RAPGEF1: variants seen among roughly 807,000 people sequenced by gnomAD.
The protein encoded by RAPGEF1 is CRK SH3-binding GNRP.
RAPGEF1 carries 33 observed loss-of-function variants against 143.3 expected under a neutral mutation model. The observed-to-expected ratio is 0.23, with a 90% CI of 0.17 to 0.31. The LOEUF is 0.31. Among genes scored for constraint, RAPGEF1 ranks in the 10% least tolerant of loss-of-function variants. The pLI is 1.00. For missense variants in RAPGEF1, 1,199 were observed against 1,645.4 expected (o/e 0.73, Z 4.69); for synonymous variants, 629 against 676.5 (o/e 0.93, Z 1.09).
At chr9:131,735,871 TC>T (rs1837380485) in intron 1 of RAPGEF1, among the ~76,000 whole-genome samples, 1 of 152,132 alleles carries the variant, frequency 6.6e-6, no homozygotes, top group South Asian at 2.1e-4. Flanking sequence ...TTGAGTGACT[TC>T]CTGATTTTTC....
At chr9:131,707,431 G>GT (rs1284828872) in intron 1 of RAPGEF1, among the ~76,000 whole-genome samples, 2 of 151,992 alleles carry the variant, frequency 1.3e-5, no homozygotes, top group Non-Finnish European at 2.9e-5. Context: ...TGCTGAACCT[G>GT]TTTTTTTATT....
At chr9:131,686,763 C>A (rs920680972) in intron 1 of RAPGEF1, among the ~76,000 whole-genome samples, 7 of 152,308 alleles carry the variant, frequency 4.6e-5, no homozygotes, top group African/African-American at 1.7e-4. Context: ...TTGCTCAGTG[C>A]CCAGCACAGT....
Position 131,637,018 on chromosome 9 carries a change from G to A in RAPGEF1, c.651+1617C>T, listed in dbSNP as rs181295389. Among the ~76,000 whole-genome samples the A allele has an allele frequency of 9.3e-3, 1,414 of 152,228 alleles. 12 individuals are homozygous for A. The highest frequency in any genetic ancestry group is 0.013 in the South Asian group (62 of 4,822). ...AGGCGGGCAGATCACCTGAGGTCAGGAGTTCGAGACCAGCCTGGCCAACAT... is the reference window on the plus strand; with the variant it reads ...AGGCGGGCAGATCACCTGAGGTCAGAAGTTCGAGACCAGCCTGGCCAACAT... On this transcript the variant is annotated intron_variant, in intron 5 of 26. Transcript: ENST00000683357.
intron 1 of RAPGEF1, among the ~76,000 whole-genome samples, chr9:131,658,307 TTCCCACATGGCCATG>T (rs1181256629): frequency 6.6e-6 from 1 of 151,380 alleles, no homozygotes; most frequent in African/African-American, 2.5e-5. Flanking sequence ...CATGCAAACT[TTCCCACATGGCCATG>T]TCTAAGAAAG....
chr9:131,624,970 C>G (rs1327970090), intron 10 of RAPGEF1, among the ~76,000 whole-genome samples: 1 of 152,242 alleles, frequency 6.6e-6, no homozygotes, highest in Non-Finnish European at 1.5e-5. Context: ...TCAGGGCGAC[C>G]CTTGCTGGAC....
At chr9:131,724,369 G>A (rs1374985570) in intron 1 of RAPGEF1, among the ~76,000 whole-genome samples, 1 of 152,230 alleles carries the variant, frequency 6.6e-6, no homozygotes, top group African/African-American at 2.4e-5. Context: ...GCCGAGGCAG[G>A]TGGATCACGA....
chr9:131,641,792 C>T lies in RAPGEF1; in HGVS notation c.494+1447G>A, dbSNP rs368619945. Among the ~76,000 whole-genome samples the T allele has an allele frequency of 1.3e-5, 2 of 152,248 alleles. No homozygotes were observed. Among genetic ancestry groups the T allele is most frequent in the Admixed American group, 6.5e-5 (1 of 15,282 alleles). Reference sequence around the variant, plus strand: ...AGACAAGCATGCCCTGCCTCCTTCCCGTCACCAACCAGCGCCAGCGAGCTT... The same window carrying T: ...AGACAAGCATGCCCTGCCTCCTTCCTGTCACCAACCAGCGCCAGCGAGCTT... On this transcript the variant is annotated intron_variant, in intron 4 of 26. Coordinates refer to ENST00000683357, the MANE Select transcript of RAPGEF1 (RefSeq NM_001377935.1). This position sits in a 1 kb window ranked among gnomAD's most constrained non-coding sequence, Gnocchi z 4.6.
rs748106465 is a variant in RAPGEF1 at position 131,638,749 on chromosome 9, G to T, written c.537C>A (p.Leu179=). 6.2e-7 allele frequency: 1 copy of T among 1,613,958 alleles called. No individual in the cohort carries two copies. Among genetic ancestry groups the T allele is most frequent in the South Asian group, 1.1e-5 (1 of 91,082 alleles). The part of the protein sequence containing the change: ...SSCYSRVYQS[L]ANLIRWSDQV... ...GGTCAGACCAGCGAATGAGGTTGGC[G>T]AGGCTTTGGTACACTCGGCTATAGC... Residue 179 remains leucine, a synonymous_variant, in exon 5 of 27, where the codon CTC becomes CTA. Transcript: ENST00000683357.
Position 131,584,245 on chromosome 9 carries a change from G to C in RAPGEF1, c.3414+66C>G. 7.0e-7 allele frequency: 1 copy of C among 1,420,478 alleles called. No individual in the cohort carries two copies. Among genetic ancestry groups the C allele is most frequent in the South Asian group, 1.2e-5 (1 of 81,962 alleles). 88.0% of individuals were successfully genotyped at this position (1,420,478 alleles called of 1,614,324 possible). ...GTGGGAGCACTTTCTGCCACAGCTA[G>C]TCGCCTGAGGGCTGGGCGGCCCCCC... On this transcript the variant is annotated intron_variant, in intron 24 of 26. Coordinates refer to ENST00000683357, the MANE Select transcript of RAPGEF1 (RefSeq NM_001377935.1). The surrounding 1 kb of genome is among the most constrained non-coding windows in gnomAD (Gnocchi z 6.8).
At chr9:131,731,913 C>G (rs1036819258) in intron 1 of RAPGEF1, among the ~76,000 whole-genome samples, 2 of 152,212 alleles carry the variant, frequency 1.3e-5, no homozygotes, top group Non-Finnish European at 2.9e-5. Flanking sequence ...GCAGTCCAGA[C>G]TGCAGGGTGG....
chr9:131,616,874 C>T (rs769489784), intron 12 of RAPGEF1, among the ~76,000 whole-genome samples: 29 of 152,272 alleles, frequency 1.9e-4, no homozygotes, highest in African/African-American at 6.3e-4. Flanking sequence ...TCTGAGGTTC[C>T]GGCATACTGG....
At chr9:131,605,910 CA>C (rs1365875285) in intron 12 of RAPGEF1, among the ~76,000 whole-genome samples, 5 of 151,902 alleles carry the variant, frequency 3.3e-5, no homozygotes, top group Admixed American at 3.3e-4. Flanking sequence ...CCCATCTCTA[CA>C]AAAAATACAA....
At chr9:131,616,943 T>C (rs1247889938) in intron 12 of RAPGEF1, among the ~76,000 whole-genome samples, 1 of 152,212 alleles carries the variant, frequency 6.6e-6, no homozygotes, top group Non-Finnish European at 1.5e-5. Context: ...CTCCTTTTAA[T>C]GACATAAGGA....
intron 14 of RAPGEF1, among the ~76,000 whole-genome samples, chr9:131,602,421 G>A (rs763918569): frequency 1.1e-4 from 16 of 152,204 alleles, no homozygotes; most frequent in Non-Finnish European, 2.1e-4. Context: ...CCTCCTCAAA[G>A]AAGACTGTCA....
Position 131,626,113 on chromosome 9 carries a change from T to A in RAPGEF1, c.1511A>T (p.Asn504Ile). 6.2e-7 allele frequency: 1 copy of A among 1,613,862 alleles called. No homozygotes were observed. Among genetic ancestry groups the A allele is most frequent in the East Asian group, 2.2e-5 (1 of 44,860 alleles). ...SYERHPSQYD[N>I]ISGEDLQSTA... ...GCTCTGCAGGTCCTCCCCAGAGATG[T>A]TGTCATACTGCGAGGGATGCCGCTC... Residue 504 changes from asparagine to isoleucine, a missense_variant, in exon 10 of 27, where the codon AAC (asparagine) becomes ATC (isoleucine). Asn to Ile is a moderately radical substitution (Grantham distance 149). This residue lies in a region of RAPGEF1 where 613 missense variants were observed against 710.9 expected (regional missense o/e 0.86). Coordinates refer to ENST00000683357, the MANE Select transcript of RAPGEF1 (RefSeq NM_001377935.1).
At position 131,626,376 on chromosome 9, in the gene RAPGEF1, G is replaced by A. The variant is rs200549723; in HGVS notation, c.1248C>T (p.Asn416=). 963 of 1,611,400 alleles carry A rather than the reference G, an allele frequency of 6.0e-4. 1 individual carries two copies. The highest frequency in any genetic ancestry group is 7.4e-4 in the Non-Finnish European group (871 of 1,178,000). ...CCGTCTGCTGAGGTATCTGGTCTGC[G>A]TTAGAGAGGTCTTGCTGGAGGAATT... is the stretch of plus-strand genomic sequence containing the variant. ...DYEFLQQDLS[N]ADQIPQQTAW... The change falls in exon 10 of 27, where the codon AAC becomes AAT. Residue 416 remains asparagine, a synonymous_variant. Transcript: ENST00000683357.
At chr9:131,598,336 C>T (rs1050738787) in intron 15 of RAPGEF1, 26 bp from the exon 16 acceptor site, 2 of 1,598,500 alleles carry the variant, frequency 1.3e-6, no homozygotes, top group Non-Finnish European at 8.6e-7. Context: ...GTTTGTGTTG[C>T]AAGTGTCAAA....
At chr9:131,648,680 A>G (rs1426685628) in intron 3 of RAPGEF1, among the ~76,000 whole-genome samples, 1 of 152,238 alleles carries the variant, frequency 6.6e-6, no homozygotes, top group Non-Finnish European at 1.5e-5. Flanking sequence ...AATTTAGATC[A>G]ATCTGGCAAA....
In RAPGEF1 at chr9:131,584,659, C is replaced by G; in HGVS notation, c.3234-63G>C. On this transcript the variant is annotated intron_variant, in intron 22 of 26. Coordinates refer to ENST00000683357, the MANE Select transcript of RAPGEF1 (RefSeq NM_001377935.1). The surrounding 1 kb of genome is among the most constrained non-coding windows in gnomAD (Gnocchi z 6.8). The stretch of plus-strand genomic sequence containing the variant: ...CAAGTCCCTGCAGGTCCCAGGGGTC[C>G]TGGTGGAGACAGGACCTGTACGACC... 1 of 1,548,112 alleles carries G rather than the reference C, an allele frequency of 6.5e-7. No homozygotes were observed. Among genetic ancestry groups the G allele is most frequent in the Non-Finnish European group, 8.9e-7 (1 of 1,121,210 alleles).
Sources: allele counts gnomAD v4.1 joint callset (sites outside exome capture counted in the v4.1 genomes callset), GRCh38; gene constraint gnomAD v4.1.1; regional missense constraint gnomAD v4.1.1; non-coding constraint Gnocchi (gnomAD v3.1); transcripts MANE v1.5; gene names NCBI Gene and HGNC (gene_info 2026-07-23, HGNC 2026-07-21).